DISC1: variants seen among roughly 807,000 people sequenced by gnomAD.
DISC1 encodes DISC1 scaffold protein, also known as disrupted in schizophrenia 1 protein.
A neutral mutation model predicts 84.5 loss-of-function variants in DISC1; 57 were observed. The ratio of observed to expected loss-of-function variants is 0.67; its 90% CI spans 0.55 to 0.84. The LOEUF (loss-of-function observed/expected upper bound fraction) is 0.84, where lower values mean the gene tolerates loss of function less well. Among genes scored for constraint, DISC1 ranks in the 40% least tolerant of loss-of-function variants. The probability of loss-of-function intolerance (pLI) is 0.00; values close to 1 mark genes in which losing one functional copy is unlikely to be tolerated. For synonymous variants in DISC1, 411 were observed against 415.2 expected, an observed-to-expected ratio of 0.99 and a Z score of 0.12; for missense variants, 1,000 against 1,057.8, an observed-to-expected ratio of 0.95 and a Z score of 0.76.
At chr1:231,866,649 A>G (rs1199947438) in intron 9 of DISC1, 9 of 1,556,144 alleles carry the variant, frequency 5.8e-6, no homozygotes, top group Non-Finnish European at 6.9e-6. Flanking sequence ...GCGCTCAACT[A>G]CTATTAATTG....
rs1317399456 is a variant in DISC1 at position 231,675,918 on chromosome 1, G to A, written c.68-17908G>A. ...GGCTGGAATGCAATGATGTGATCTC[G>A]GGTCACTGCAACCTCCGCCTCCCGG... On this transcript the variant is annotated intron_variant, in intron 1 of 12. Transcript: ENST00000439617. This position sits in a 1 kb window ranked among gnomAD's most constrained non-coding sequence, Gnocchi z 4.1. 6.7e-6 allele frequency among the ~76,000 whole-genome samples: 1 copy of A among 150,026 alleles called. No individual in the cohort carries two copies. Among genetic ancestry groups the A allele is most frequent in the Non-Finnish European group, 1.5e-5 (1 of 67,782 alleles).
At chr1:231,719,177 A>G (rs115403456) in intron 3 of DISC1, among the ~76,000 whole-genome samples, 181 of 152,272 alleles carry the variant, frequency 1.2e-3, no homozygotes, top group African/African-American at 4.3e-3. Flanking sequence ...AGTGCTTGGT[A>G]TATTCTCTAT....
Position 231,698,676 on chromosome 1 carries a change from TCCTGA to T in DISC1, c.1048-3275_1048-3271del, listed in dbSNP as rs2066012574. Among the ~76,000 whole-genome samples the T allele has an allele frequency of 6.6e-6, 1 of 152,186 alleles. No individual in the cohort carries two copies. The highest frequency in any genetic ancestry group is 1.5e-5 in the Non-Finnish European group (1 of 68,024). On this transcript the variant is annotated intron_variant, in intron 2 of 12. Coordinates refer to ENST00000439617, the MANE Select transcript of DISC1 (RefSeq NM_018662.3). The surrounding 1 kb of genome is among the most constrained non-coding windows in gnomAD (Gnocchi z 4.9). ...GGCTTTGGCTGTAAATGAATTTTTTTCCTGACCTTGTTTCCTGCATTTCTTCAGCT... is the reference window on the plus strand; with the variant it reads ...GGCTTTGGCTGTAAATGAATTTTTTTCCTTGTTTCCTGCATTTCTTCAGCT...
intron 10 of DISC1, among the ~76,000 whole-genome samples, chr1:231,992,726 C>T (rs1665385114): frequency 2.0e-5 from 3 of 152,148 alleles, no homozygotes. Context: ...ATTGGGATCA[C>T]TTATAAAAAA....
intron 3 of DISC1, among the ~76,000 whole-genome samples, chr1:231,706,413 A>C (rs2067105419): frequency 6.6e-6 from 1 of 152,164 alleles, no homozygotes; most frequent in Non-Finnish European, 1.5e-5. Flanking sequence ...TTACTGTTCT[A>C]GTTGTTCCTG....
intron 9 of DISC1, among the ~76,000 whole-genome samples, chr1:231,950,913 C>G (rs1316015600): frequency 6.6e-6 from 1 of 152,154 alleles, no homozygotes; most frequent in African/African-American, 2.4e-5. Flanking sequence ...TCAAGACAGA[C>G]AGGTCTTTGA....
At chr1:231,677,910 G>A (rs952752801) in intron 1 of DISC1, among the ~76,000 whole-genome samples, 3 of 152,114 alleles carry the variant, frequency 2.0e-5, no homozygotes, top group African/African-American at 7.2e-5. Flanking sequence ...CTGCGAGGTG[G>A]TGGTTGCAGT....
intron 8 of DISC1, among the ~76,000 whole-genome samples, chr1:231,805,571 G>T (rs2079640745): frequency 6.6e-6 from 1 of 151,820 alleles, no homozygotes; most frequent in Non-Finnish European, 1.5e-5. Flanking sequence ...AAGAGGGATG[G>T]TGCTAAATCA....
rs566229458 is a variant in DISC1 at position 231,698,912 on chromosome 1, T to C, written c.1048-3043T>C. ...GATTATTCATTCATTCTTTCATTCA[T>C]TCAGAAAGCATTTATCAATGACAAC... is the stretch of plus-strand genomic sequence containing the variant. On this transcript the variant is annotated intron_variant, in intron 2 of 12. Coordinates refer to ENST00000439617, the MANE Select transcript of DISC1 (RefSeq NM_018662.3). This position sits in a 1 kb window ranked among gnomAD's most constrained non-coding sequence, Gnocchi z 4.9. Among the ~76,000 whole-genome samples, 6 of 152,318 alleles carry C rather than the reference T, an allele frequency of 3.9e-5. 2 individuals are homozygous for C. Among genetic ancestry groups the C allele is most frequent in the African/African-American group, 1.4e-4 (6 of 41,566 alleles).
chr1:232,021,358 ACACAC>A (rs1668941024), intron 11 of DISC1, among the ~76,000 whole-genome samples: 2 of 149,270 alleles, frequency 1.3e-5, no homozygotes, highest in Admixed American at 1.3e-4. Context: ...ACACACACAC[ACACAC>A]ACACACACAC....
intron 11 of DISC1, among the ~76,000 whole-genome samples, chr1:232,024,737 C>T (rs899683544): frequency 4.0e-5 from 6 of 151,664 alleles, no homozygotes; most frequent in Non-Finnish European, 4.4e-5. Context: ...GGATTACAGG[C>T]GCCCACCACC....
intron 9 of DISC1, among the ~76,000 whole-genome samples, chr1:231,854,427 T>C (rs1187979441): frequency 6.6e-6 from 1 of 152,192 alleles, no homozygotes; most frequent in Non-Finnish European, 1.5e-5. Flanking sequence ...CTGGCAAATA[T>C]ACCTACTAAT....
At chr1:231,762,203 CTTT>C (rs773875181) in intron 4 of DISC1, among the ~76,000 whole-genome samples, 14 of 65,676 alleles carry the variant, frequency 2.1e-4, no homozygotes, top group South Asian at 5.2e-4. Flanking sequence ...CTTTTCTTTT[CTTT>C]TCTTTTCTCT....
At chr1:231,806,594 C>T (rs1393374018) in intron 8 of DISC1, among the ~76,000 whole-genome samples, 3 of 152,216 alleles carry the variant, frequency 2.0e-5, no homozygotes, top group Non-Finnish European at 4.4e-5. Context: ...CAGGTCTGAC[C>T]TAACTGCCCA....
chr1:231,902,776 G>A (rs1378323764), intron 9 of DISC1, among the ~76,000 whole-genome samples: 1 of 152,164 alleles, frequency 6.6e-6, no homozygotes, highest in African/African-American at 2.4e-5. Flanking sequence ...ATATGTACAC[G>A]TTGAGTATCC....
At chr1:231,833,250 C>A (rs945434830) in intron 9 of DISC1, among the ~76,000 whole-genome samples, 2 of 150,958 alleles carry the variant, frequency 1.3e-5, no homozygotes, top group Non-Finnish European at 2.9e-5. Flanking sequence ...AAGTTGGCAC[C>A]AGAGTTGGGG....
At chr1:231,809,874 C>T (rs957907849) in intron 8 of DISC1, among the ~76,000 whole-genome samples, 1 of 151,996 alleles carries the variant, frequency 6.6e-6, no homozygotes, top group Non-Finnish European at 1.5e-5. Context: ...CCTTTTCTTG[C>T]ATAATTAATT....
intron 9 of DISC1, among the ~76,000 whole-genome samples, chr1:231,845,027 A>G (rs1235329757): frequency 2.0e-5 from 3 of 152,136 alleles, no homozygotes; most frequent in African/African-American, 2.4e-5. Context: ...AAGTTTTCTC[A>G]TGCAGCTGAA....
intron 10 of DISC1, among the ~76,000 whole-genome samples, chr1:231,978,202 G>A (rs116672456): frequency 0.011 from 1,609 of 152,140 alleles, 34 homozygotes; most frequent in African/African-American, 0.035. Flanking sequence ...TGTACCACAC[G>A]GGGAAGCCAA....
Sources: allele counts gnomAD v4.1 joint callset (sites outside exome capture counted in the v4.1 genomes callset), GRCh38; gene constraint gnomAD v4.1.1; non-coding constraint Gnocchi (gnomAD v3.1); transcripts MANE v1.5; gene names NCBI Gene and HGNC (gene_info 2026-07-23, HGNC 2026-07-21).